Variants in PDE4D observed in about 807,000 individuals in gnomAD.
The protein encoded by PDE4D is phosphodiesterase 4D.
A neutral mutation model predicts 87.4 loss-of-function variants in PDE4D; 24 were observed. The observed-to-expected ratio is 0.27, with a 90% CI of 0.20 to 0.39. The LOEUF (loss-of-function observed/expected upper bound fraction) is 0.39. Among genes scored for constraint, PDE4D ranks in the 10% least tolerant of loss-of-function variants. The probability of loss-of-function intolerance (pLI) is 1.00; values close to 1 mark genes in which losing one functional copy is unlikely to be tolerated. For synonymous variants in PDE4D, 384 were observed against 383.2 expected (o/e 1.00, Z -0.02); for missense variants, 714 against 1,041.0 (o/e 0.69, Z 4.32).
At chr5:60,481,612 G>T (rs887120689) in intron 1 of PDE4D, among the ~76,000 whole-genome samples, 3 of 152,116 alleles carry the variant, frequency 2.0e-5, no homozygotes, top group African/African-American at 7.2e-5. Context: ...GAGAATGAAT[G>T]AATTTTGATT....
intron 1 of PDE4D, among the ~76,000 whole-genome samples, chr5:59,843,640 T>C (rs957025140): frequency 1.3e-5 from 2 of 152,096 alleles, no homozygotes; most frequent in African/African-American, 4.8e-5. Context: ...GTAATGGATT[T>C]GGCAGTAGGC....
rs76270690 is a variant in PDE4D, at chr5:60,292,161, T to G, written c.-89-106474A>C. Among the ~76,000 whole-genome samples the G allele has an allele frequency of 0.012, 1,842 of 152,296 alleles. 64 individuals carry two copies. The East Asian group carries it at 0.13, about 11-fold the overall frequency. On this transcript the variant is annotated intron_variant, in intron 1 of 16. Coordinates refer to the PDE4D transcript ENST00000502484. ...TCTCTATAGACATTATTTTTCTGAA[T>G]AGAAAAACACATTATTTAAAGAATA...
rs1386896609 is a variant in PDE4D, at chr5:60,448,512, GTTC to G, written c.-90+39427_-90+39429del. On this transcript the variant is annotated intron_variant, in intron 1 of 16. Coordinates refer to the PDE4D transcript ENST00000502484. ...GCAGGAGGTTTAGACTGTGTTCAGT[GTTC>G]TTCTTTCTCACACATTCAGACAGAC... 3.3e-5 allele frequency: 5 copies of G among 152,254 alleles called. No individual in the cohort carries two copies. In the East Asian group the frequency reaches 9.7e-4, roughly 29 times the overall value. The allele number at this position is 152,254 out of a possible 1,614,324, so 9.4% of individuals were successfully genotyped here.
At chr5:60,149,221 A>C (rs1413341424) in intron 2 of PDE4D, among the ~76,000 whole-genome samples, 2 of 152,160 alleles carry the variant, frequency 1.3e-5, no homozygotes, top group Non-Finnish European at 1.5e-5. Flanking sequence ...TACAAAGAAA[A>C]GAAGTTTATT....
intron 2 of PDE4D, among the ~76,000 whole-genome samples, chr5:60,140,224 T>C (rs1780412697): frequency 6.6e-6 from 1 of 152,116 alleles, no homozygotes; most frequent in Non-Finnish European, 1.5e-5. Context: ...GTATATGTTC[T>C]ACCAATATAT....
intron 1 of PDE4D, among the ~76,000 whole-genome samples, chr5:59,464,365 C>T (rs550660714): frequency 6.6e-6 from 1 of 152,360 alleles, no homozygotes; most frequent in South Asian, 2.1e-4. Flanking sequence ...GAAAAACCGC[C>T]TTAAGGCTGG....
chr5:59,065,236 G>C (rs1393039780), intron 5 of PDE4D, among the ~76,000 whole-genome samples: 1 of 151,844 alleles, frequency 6.6e-6, no homozygotes, highest in Non-Finnish European at 1.5e-5. Context: ...AGACACAGAA[G>C]GACAAATACT....
chr5:59,009,712 A>G (rs541086627), intron 6 of PDE4D, among the ~76,000 whole-genome samples: 1 of 152,256 alleles, frequency 6.6e-6, no homozygotes, highest in African/African-American at 2.4e-5. Context: ...GTGGTTATCC[A>G]ATTGTACACA....
chr5:59,407,721 T>C (rs1461858724), intron 1 of PDE4D, among the ~76,000 whole-genome samples: 1 of 152,198 alleles, frequency 6.6e-6, no homozygotes, highest in East Asian at 1.9e-4. Flanking sequence ...TCACCCATGT[T>C]ATACCTTAGC....
chr5:59,615,402 C>T lies in PDE4D; in HGVS notation c.455+277766G>A, dbSNP rs141161883. 6.6e-5 allele frequency among the ~76,000 whole-genome samples: 10 copies of T among 152,272 alleles called. No individual in the cohort carries two copies. In the East Asian group the frequency reaches 1.9e-3, roughly 29 times the overall value. On this transcript the variant is annotated intron_variant, in intron 1 of 14. Coordinates refer to ENST00000340635, the MANE Select transcript of PDE4D (RefSeq NM_001104631.2). ...GGATTCTTAGCCATTCAATATCTCC[C>T]TATGCCATTTTGATGAGACTAGTGT... is the stretch of plus-strand genomic sequence containing the variant.
chr5:59,397,247 A>T (rs943202447), intron 1 of PDE4D, among the ~76,000 whole-genome samples: 5 of 121,346 alleles, frequency 4.1e-5, no homozygotes, highest in African/African-American at 1.6e-4. Flanking sequence ...ACATCTACAG[A>T]ACTCTCCACT....
At chr5:59,456,465 C>A (rs1408299545) in intron 1 of PDE4D, among the ~76,000 whole-genome samples, 1 of 152,146 alleles carries the variant, frequency 6.6e-6, no homozygotes, top group African/African-American at 2.4e-5. Context: ...GTCCATTAAA[C>A]CTCTTTTTCT....
intron 1 of PDE4D, among the ~76,000 whole-genome samples, chr5:60,486,537 G>T (rs1749157646): frequency 6.6e-6 from 1 of 152,108 alleles, no homozygotes; most frequent in African/African-American, 2.4e-5. Flanking sequence ...TAATATTTCA[G>T]AAAGCAAAAA....
intron 1 of PDE4D, among the ~76,000 whole-genome samples, chr5:59,345,855 A>G (rs1174099033): frequency 6.6e-6 from 1 of 152,164 alleles, no homozygotes; most frequent in Admixed American, 6.5e-5. Flanking sequence ...GATATACCCA[A>G]CCTACGTGTA....
intron 1 of PDE4D, among the ~76,000 whole-genome samples, chr5:59,762,161 T>C (rs549048838): frequency 1.3e-5 from 2 of 151,956 alleles, no homozygotes; most frequent in Non-Finnish European, 2.9e-5. Context: ...TGTGTGTGTA[T>C]ATATAGGTAC....
chr5:58,997,037 C>G (rs1258586966), intron 6 of PDE4D, among the ~76,000 whole-genome samples: 1 of 152,136 alleles, frequency 6.6e-6, no homozygotes, highest in Non-Finnish European at 1.5e-5. Context: ...GTCAACATTT[C>G]ATTTTAACAT....
At chr5:60,252,399 C>CTTTTTTTTTTTTTTTTTTT (rs749772318) in intron 1 of PDE4D, among the ~76,000 whole-genome samples, 1 of 137,410 alleles carries the variant, frequency 7.3e-6, no homozygotes, top group African/African-American at 2.7e-5. Context: ...CACTTTTTTA[C>CTTTTTTTTTTTTTTTTTTT]TTTTTTTTTT....
rs1268771095 is a variant in PDE4D at position 59,426,320 on chromosome 5, C to A, written c.456-210352G>T. Among the ~76,000 whole-genome samples, 3 of 152,166 alleles carry A rather than the reference C, an allele frequency of 2.0e-5. No homozygotes were observed. The South Asian group carries it at 6.2e-4, about 32-fold the overall frequency. The stretch of plus-strand genomic sequence containing the variant: ...GTAAATTAATAGCTTGATGATTGGT[C>A]ATAAATCTAAGTGCATGACCTTGTG... On this transcript the variant is annotated intron_variant, in intron 1 of 14. Coordinates refer to ENST00000340635, the MANE Select transcript of PDE4D (RefSeq NM_001104631.2).
chr5:59,039,624 G>C, intron 5 of PDE4D: 1 of 544,988 alleles, frequency 1.8e-6, no homozygotes, highest in East Asian at 1.5e-4. Context: ...GGCGCTGCCT[G>C]GCTCCTCCTC....
Sources: gnomAD v4.1 joint callset for allele counts (sites outside exome capture counted in the v4.1 genomes callset) on GRCh38, gnomAD v4.1.1 for gene constraint, MANE v1.5 for transcripts, NCBI Gene and HGNC (gene_info 2026-07-23, HGNC 2026-07-21) for gene names.